The following DOCK6 variants were observed in gnomAD, a reference collection of about 807,000 sequenced individuals.
The protein encoded by DOCK6 is dedicator of cytokinesis 6, also known as dedicator of cytokinesis protein 6.
A neutral mutation model predicts 230.3 loss-of-function variants in DOCK6; 167 were observed. That is an observed-to-expected ratio of 0.73 (90% confidence interval 0.64 to 0.82). The LOEUF is 0.82. Ranked by LOEUF, DOCK6 falls within the 40% of genes least tolerant of loss-of-function variation. The pLI, the probability that DOCK6 is intolerant of heterozygous loss-of-function variation, is 0.00. For missense variants in DOCK6, 2,598 were observed against 2,825.8 expected (o/e 0.92, Z 1.83); for synonymous variants, 1,148 against 1,185.0 (o/e 0.97, Z 0.64).
At position 11,215,379 on chromosome 19, in the gene DOCK6, AC is replaced by A; in HGVS notation, c.4106+7del. 3 of 1,613,014 alleles carry A rather than the reference AC, an allele frequency of 1.9e-6. No individual in the cohort carries two copies. The highest frequency in any genetic ancestry group is 2.5e-6 in the Non-Finnish European group (3 of 1,179,438). On this transcript the variant is annotated splice_region_variant and intron_variant, in intron 32 of 47. Coordinates refer to ENST00000294618, the MANE Select transcript of DOCK6 (RefSeq NM_020812.4). ...GAACTCAGCAGACACCCTCCTGCCC[AC>A]ACCTACTTGTCCACGCGGTCTGAGG...
Position 11,202,808 on chromosome 19 carries a change from G to A in DOCK6, c.5236-99C>T, listed in dbSNP as rs369547103. ...CTCGAATATCAGGATGGGAGTGTGA[G>A]GACCCCGAGAACATCAGGGCATGGG... is the stretch of plus-strand genomic sequence containing the variant. On this transcript the variant is annotated intron_variant, in intron 41 of 47. Transcript: ENST00000294618. The surrounding 1 kb of genome is among the most constrained non-coding windows in gnomAD (Gnocchi z 5.3). 9.5e-6 allele frequency: 15 copies of A among 1,586,582 alleles called. No homozygotes were observed. In the East Asian group the frequency reaches 1.8e-4, roughly 19 times the overall value.
At chr19:11,261,021 T>C (rs988420119) in intron 1 of DOCK6, among the ~76,000 whole-genome samples, 1 of 151,652 alleles carries the variant, frequency 6.6e-6, no homozygotes, top group Admixed American at 6.6e-5. Flanking sequence ...AAGATAATGA[T>C]AGAACATAAA....
chr19:11,222,735 C>G lies in DOCK6; in HGVS notation c.3240G>C (p.Gln1080His). 6.4e-7 allele frequency: 1 copy of G among 1,565,802 alleles called. No homozygotes were observed. The highest frequency in any genetic ancestry group is 1.2e-5 in the South Asian group (1 of 85,440). Residue 1080 changes from glutamine to histidine, a missense_variant and splice_region_variant, in exon 26 of 48, where the codon CAG becomes CAC. Physicochemically the swap from Gln to His is conservative, Grantham distance 24 (BLOSUM62 0). Transcript: ENST00000294618. This position sits in a 1 kb window ranked among gnomAD's most constrained non-coding sequence, Gnocchi z 4.0. Reference sequence around the variant, plus strand: ...GGAGGCAGAAGTGAAGGCAGCCCACCTGGGAGGTGGTGGAGGACACAGAGG... The same window carrying G: ...GGAGGCAGAAGTGAAGGCAGCCCACGTGGGAGGTGGTGGAGGACACAGAGG... ...PSPSVSSTTS[Q>H]SSTFSSQAPD...
chr19:11,250,757 G>T, intron 6 of DOCK6, 117 bp downstream of exon 6: 2 of 1,044,122 alleles, frequency 1.9e-6, no homozygotes, highest in Non-Finnish European at 2.7e-6. Flanking sequence ...ACACTGATCG[G>T]ATTAATACAG....
At chr19:11,259,881 CTTTTTTTTT>C (rs1205836383) in intron 1 of DOCK6, among the ~76,000 whole-genome samples, 2 of 67,780 alleles carry the variant, frequency 3.0e-5, no homozygotes, top group Non-Finnish European at 5.0e-5. Flanking sequence ...CGCGCCCGGC[CTTTTTTTTT>C]TTTTTTTTTT....
intron 18 of DOCK6, 77 bp downstream of exon 18, chr19:11,237,379 G>T: frequency 1.3e-6 from 2 of 1,536,798 alleles, no homozygotes; most frequent in South Asian, 2.2e-5. Flanking sequence ...TCCCAGGATT[G>T]ACAGGAAGGA....
chr19:11,214,313 G>A lies in DOCK6; in HGVS notation c.4300C>T (p.Gln1434Ter). 1 of 1,613,436 alleles carries A rather than the reference G, an allele frequency of 6.2e-7. No homozygotes were observed. Among genetic ancestry groups the A allele is most frequent in the South Asian group, 1.1e-5 (1 of 91,058 alleles). Residue 1434 changes from glutamine (Q) to a stop codon, truncating the protein, a stop_gained, in exon 34 of 48, where the codon CAG becomes TAG. Transcript: ENST00000294618. LOFTEE classifies it high-confidence loss of function. The part of the protein sequence containing the change: ...LGSAQSALFL[Q>*]HGLATQRALV... ...GCCCTCTGGGTGGCCAGGCCATGCT[G>A]CAAGAAGAGGGCACTCTGGGCACTG... is the stretch of plus-strand genomic sequence containing the variant.
chr19:11,245,537 C>G, intron 9 of DOCK6, 26 bp downstream of exon 9: 1 of 1,544,296 alleles, frequency 6.5e-7, no homozygotes, highest in African/African-American at 1.4e-5. Flanking sequence ...GCCATTACCA[C>G]CCCCTTGCCC....
At chr19:11,231,232 G>A (rs1004296670) in intron 22 of DOCK6, among the ~76,000 whole-genome samples, 1 of 152,144 alleles carries the variant, frequency 6.6e-6, no homozygotes. Context: ...TGTGCGTACA[G>A]TCCTCTGACC....
At chr19:11,215,173 G>C (rs548687870) in intron 32 of DOCK6, among the ~76,000 whole-genome samples, 1 of 152,238 alleles carries the variant, frequency 6.6e-6, no homozygotes, top group African/African-American at 2.4e-5. Context: ...TCGATCTCCT[G>C]ATCTTGTGAT....
chr19:11,225,768 C>T (rs66466742), intron 24 of DOCK6, among the ~76,000 whole-genome samples: 15,949 of 151,110 alleles, frequency 0.11, 1,217 homozygotes, highest in East Asian at 0.25. Flanking sequence ...GCATGGTTCA[C>T]GCTTGTAATC....
intron 6 of DOCK6, 76 bp from the exon 7 acceptor site, chr19:11,248,227 T>C (rs2080066579): frequency 1.8e-6 from 2 of 1,128,772 alleles, no homozygotes; most frequent in Admixed American, 2.1e-5. Context: ...ATGCCCAGCC[T>C]CAGACCAGCT....
In DOCK6 at chr19:11,204,319, C is replaced by T. The variant is rs1307667011; in HGVS notation, c.5101G>A (p.Glu1701Lys). The T allele has an allele frequency of 4.3e-6, 7 of 1,611,704 alleles. No homozygotes were observed. The highest frequency in any genetic ancestry group is 1.3e-5 in the African/African-American group (1 of 74,764). ...TTCTTGTAGACCTCATTCACCGCCT[C>T]GTAGAGCCCGCCCTGAGGGTGAGGT... ...AGYFTMGGLY[E>K]AVNEVYKNLI... Residue 1701 changes from glutamate (E) to lysine (K), a missense_variant, in exon 40 of 48, where the codon GAG (glutamate) becomes AAG (lysine). Physicochemically the swap from Glu to Lys is moderately conservative, Grantham distance 56. Coordinates refer to ENST00000294618, the MANE Select transcript of DOCK6 (RefSeq NM_020812.4).
At chr19:11,259,769 G>A (rs2080255728) in intron 1 of DOCK6, among the ~76,000 whole-genome samples, 1 of 151,126 alleles carries the variant, frequency 6.6e-6, no homozygotes, top group Non-Finnish European at 1.5e-5. Flanking sequence ...TTTTAGTAGA[G>A]ACGGAGTTTC....
chr19:11,252,852 G>C lies in DOCK6; in HGVS notation c.239C>G (p.Ala80Gly). 6.2e-7 allele frequency: 1 copy of C among 1,613,878 alleles called. No individual in the cohort carries two copies. Among genetic ancestry groups the C allele is most frequent in the Non-Finnish European group, 8.5e-7 (1 of 1,179,854 alleles). Reference sequence around the variant, plus strand: ...CTGCAGCAGCAGCTCCAAGTCATCAGCTGGGAATTCTACCAGGTCCCTGAG... The same window carrying C: ...CTGCAGCAGCAGCTCCAAGTCATCACCTGGGAATTCTACCAGGTCCCTGAG... ...GPLRDLVEFP[A>G]DDLELLLQPR... Residue 80 changes from alanine (A) to glycine (G), a missense_variant, in exon 3 of 48, where the codon GCT (alanine) becomes GGT (glycine). By Grantham distance (60) the Ala-to-Gly change is moderately conservative. Coordinates refer to ENST00000294618, the MANE Select transcript of DOCK6 (RefSeq NM_020812.4).
At chr19:11,235,877 ATTTTTTT>A in intron 20 of DOCK6, 118 bp from the exon 21 acceptor site, 3 of 885,924 alleles carry the variant, frequency 3.4e-6, no homozygotes, top group Non-Finnish European at 4.5e-6. Flanking sequence ...GGGGTCACAA[ATTTTTTT>A]TTTTTTTTTT....
chr19:11,204,517 G>C (rs767932574), intron 39 of DOCK6, among the ~76,000 whole-genome samples, 186 bp from the exon 40 acceptor site: 3 of 151,868 alleles, frequency 2.0e-5, no homozygotes, highest in Non-Finnish European at 4.4e-5. Context: ...CCCACAGAGG[G>C]CTCCATGGTC....
At position 11,200,188 on chromosome 19, in the gene DOCK6, T is replaced by G; in HGVS notation, c.6101+120A>C. 1 of 1,080,852 alleles carries G rather than the reference T, an allele frequency of 9.3e-7. No homozygotes were observed. Among genetic ancestry groups the G allele is most frequent in the South Asian group, 1.9e-5 (1 of 51,408 alleles). The allele number at this position is 1,080,852 out of a possible 1,614,324, so 67.0% of individuals were successfully genotyped here. A position where few individuals can be genotyped will look rare whatever the true frequency, so the allele number is the denominator to read the frequency against. On this transcript the variant is annotated intron_variant, in intron 47 of 47. Coordinates refer to ENST00000294618, the MANE Select transcript of DOCK6 (RefSeq NM_020812.4). This position sits in a 1 kb window ranked among gnomAD's most constrained non-coding sequence, Gnocchi z 4.3. ...AAAAAAAACCGGAAACAAAACAAAG[T>G]CCAAGCTACCAGCAAACATGTTGCT...
chr19:11,202,813 C>G lies in DOCK6; in HGVS notation c.5236-104G>C. Reference sequence around the variant, plus strand: ...ATATCAGGATGGGAGTGTGAGGACCCCGAGAACATCAGGGCATGGGCACAG... The same window carrying G: ...ATATCAGGATGGGAGTGTGAGGACCGCGAGAACATCAGGGCATGGGCACAG... On this transcript the variant is annotated intron_variant, in intron 41 of 47. Coordinates refer to ENST00000294618, the MANE Select transcript of DOCK6 (RefSeq NM_020812.4). The surrounding 1 kb of genome is among the most constrained non-coding windows in gnomAD (Gnocchi z 5.3). 6.3e-7 allele frequency: 1 copy of G among 1,576,940 alleles called. No individual in the cohort carries two copies. Among genetic ancestry groups the G allele is most frequent in the South Asian group, 1.1e-5 (1 of 89,742 alleles).
Sources: allele counts gnomAD v4.1 joint callset (sites outside exome capture counted in the v4.1 genomes callset), GRCh38; gene constraint gnomAD v4.1.1; non-coding constraint Gnocchi (gnomAD v3.1); transcripts MANE v1.5; gene names NCBI Gene and HGNC (gene_info 2026-07-23, HGNC 2026-07-21).